The following PTPRD variants were observed in gnomAD, a reference collection of about 807,000 sequenced individuals.
PTPRD encodes protein tyrosine phosphatase receptor type D.
Under a neutral mutation model 214.5 loss-of-function variants are expected in PTPRD, and 34 were observed. The observed-to-expected ratio is 0.16, with a 90% CI of 0.12 to 0.21. The LOEUF is 0.21. Among genes scored for constraint, PTPRD ranks in the 10% least tolerant of loss-of-function variants. The pLI is 1.00. For synonymous variants in PTPRD, 1,128 were observed against 845.7 expected, an observed-to-expected ratio of 1.33 and a Z score of -5.79; for missense variants, 2,545 against 2,398.7, an observed-to-expected ratio of 1.06 and a Z score of -1.27.
At chr9:9,189,433 A>C (rs1593204263) in intron 9 of PTPRD, among the ~76,000 whole-genome samples, 2 of 152,170 alleles carry the variant, frequency 1.3e-5, no homozygotes, top group African/African-American at 4.8e-5. Flanking sequence ...TAAACATTGA[A>C]ATTTTATTAA....
chr9:8,922,068 CT>C (rs1384220466), intron 11 of PTPRD, among the ~76,000 whole-genome samples: 1 of 152,168 alleles, frequency 6.6e-6, no homozygotes, highest in East Asian at 1.9e-4. Context: ...CAAATTCATA[CT>C]GTTAACAGGC....
intron 9 of PTPRD, among the ~76,000 whole-genome samples, chr9:9,366,556 G>A (rs2057938474): frequency 6.6e-6 from 1 of 151,468 alleles, no homozygotes; most frequent in South Asian, 2.1e-4. Context: ...CTCCTAAACT[G>A]AAATGAATAG....
At chr9:10,438,211 G>C (rs958880521) in intron 2 of PTPRD, among the ~76,000 whole-genome samples, 9 of 151,242 alleles carry the variant, frequency 6.0e-5, no homozygotes, top group African/African-American at 1.2e-4. Flanking sequence ...CAATTACTGA[G>C]TGCCTATACA....
chr9:9,485,916 G>A (rs1439850987), intron 8 of PTPRD, among the ~76,000 whole-genome samples: 2 of 151,970 alleles, frequency 1.3e-5, no homozygotes, highest in African/African-American at 4.8e-5. Flanking sequence ...ACTTTGGGAG[G>A]CCAAGGCAGG....
chr9:8,416,675 G>A (rs2093961945), intron 35 of PTPRD, among the ~76,000 whole-genome samples: 1 of 152,094 alleles, frequency 6.6e-6, no homozygotes, highest in Non-Finnish European at 1.5e-5. Flanking sequence ...GCCAACACAA[G>A]ACTAGACTGT....
At chr9:9,490,751 T>G (rs554317057) in intron 8 of PTPRD, among the ~76,000 whole-genome samples, 1 of 151,820 alleles carries the variant, frequency 6.6e-6, no homozygotes, top group East Asian at 1.9e-4. Context: ...GAAAAGAACT[T>G]AAACATTTCA....
intron 2 of PTPRD, among the ~76,000 whole-genome samples, chr9:10,511,946 ACGTGTGTGTATATATATATACG>A (rs1566640258): frequency 5.3e-5 from 3 of 56,238 alleles, no homozygotes; most frequent in Admixed American, 1.6e-4. Flanking sequence ...ATATATATAT[ACGTGTGTGTATATATATATACG>A]TGTGTGTGTA....
chr9:10,084,930 G>A (rs1231171667), intron 3 of PTPRD, among the ~76,000 whole-genome samples: 1 of 151,812 alleles, frequency 6.6e-6, no homozygotes, highest in Non-Finnish European at 1.5e-5. Context: ...AACTCTCGTA[G>A]ATAAAAACAC....
intron 9 of PTPRD, among the ~76,000 whole-genome samples, chr9:9,322,423 A>G (rs1569567349): frequency 6.6e-6 from 1 of 152,184 alleles, no homozygotes; most frequent in African/African-American, 2.4e-5. Flanking sequence ...GAGTTTAAAT[A>G]ACACATTTCC....
At chr9:8,408,556 G>C (rs924558824) in intron 35 of PTPRD, among the ~76,000 whole-genome samples, 1 of 152,106 alleles carries the variant, frequency 6.6e-6, no homozygotes, top group African/African-American at 2.4e-5. Context: ...AGTAAAAGTT[G>C]ATTAATACAC....
intron 4 of PTPRD, among the ~76,000 whole-genome samples, chr9:9,966,026 G>C (rs988247558): frequency 2.0e-5 from 3 of 152,068 alleles, no homozygotes; most frequent in Non-Finnish European, 4.4e-5. Flanking sequence ...TTACTTATTT[G>C]AGAGAGGCTT....
intron 4 of PTPRD, among the ~76,000 whole-genome samples, chr9:9,944,387 A>G (rs1034760056): frequency 6.6e-6 from 1 of 151,664 alleles, no homozygotes; most frequent in Non-Finnish European, 1.5e-5. Flanking sequence ...ATGTGCTAGC[A>G]CTAAGGCTGG....
At chr9:8,393,571 T>A (rs1196750760) in intron 36 of PTPRD, among the ~76,000 whole-genome samples, 2 of 151,882 alleles carry the variant, frequency 1.3e-5, no homozygotes, top group East Asian at 3.9e-4. Flanking sequence ...AGTCAGTTGG[T>A]CTTAGTGTCT....
intron 11 of PTPRD, among the ~76,000 whole-genome samples, chr9:8,921,484 A>G (rs2098827536): frequency 6.6e-6 from 1 of 151,338 alleles, no homozygotes; most frequent in African/African-American, 2.4e-5. Context: ...ATTTTTTCAA[A>G]AGTTTTCGCA....
chr9:9,565,525 CCTTT>C (rs1481658818), intron 8 of PTPRD, among the ~76,000 whole-genome samples: 1 of 151,782 alleles, frequency 6.6e-6, no homozygotes, highest in East Asian at 1.9e-4. Flanking sequence ...AATAATTTTT[CCTTT>C]CTTTTTGTTA....
chr9:8,560,232 T>G (rs541013352), intron 14 of PTPRD, among the ~76,000 whole-genome samples: 1 of 152,310 alleles, frequency 6.6e-6, no homozygotes, highest in Admixed American at 6.5e-5. Context: ...AATCTGTACA[T>G]GTTGATCAAC....
intron 2 of PTPRD, among the ~76,000 whole-genome samples, chr9:10,443,845 T>TCACACACACACACACA (rs141638837): frequency 3.2e-4 from 48 of 148,722 alleles, no homozygotes; most frequent in African/African-American, 1.0e-3. Flanking sequence ...TACCTCAAAT[T>TCACACACACACACACA]CACACACACA....
intron 10 of PTPRD, among the ~76,000 whole-genome samples, chr9:9,121,207 T>A (rs763781751): frequency 1.3e-5 from 2 of 152,200 alleles, no homozygotes; most frequent in African/African-American, 2.4e-5. Context: ...GTATTTTTAT[T>A]TGAAAATCTC....
intron 7 of PTPRD, among the ~76,000 whole-genome samples, chr9:9,642,156 A>T (rs1564250689): frequency 6.8e-6 from 1 of 146,572 alleles, no homozygotes; most frequent in African/African-American, 2.5e-5. Flanking sequence ...TCAGTAAACT[A>T]TCGCAAGAAC....
Sources: gnomAD v4.1 joint callset for allele counts (sites outside exome capture counted in the v4.1 genomes callset) on GRCh38, gnomAD v4.1.1 for gene constraint, MANE v1.5 for transcripts, NCBI Gene and HGNC (gene_info 2026-07-23, HGNC 2026-07-21) for gene names.